SH3KBP1: variants seen among roughly 807,000 people sequenced by gnomAD.
SH3KBP1 encodes the protein SH3 domain containing kinase binding protein 1.
A neutral mutation model predicts 50.1 loss-of-function variants in SH3KBP1; 8 were observed. That is an observed-to-expected ratio of 0.16 (90% confidence interval 0.09 to 0.29). SH3KBP1 has a LOEUF of 0.29. SH3KBP1 is among the 10% of genes least tolerant of loss of function. SH3KBP1 has a pLI of 1.00. For synonymous variants in SH3KBP1, 227 were observed against 218.6 expected (o/e 1.04, Z -0.34); for missense variants, 377 against 535.2 (o/e 0.70, Z 2.92).
Position 19,592,073 on chromosome X carries a change from C to T in SH3KBP1, c.1132G>A (p.Glu378Lys). 8.3e-7 allele frequency: 1 copy of T among 1,200,512 alleles called. No homozygotes were observed. The highest frequency in any genetic ancestry group is 1.1e-6 in the Non-Finnish European group (1 of 886,124). Residue 378 changes from glutamate to lysine, a missense_variant, in exon 11 of 18, where the codon GAA (glutamate) becomes AAA (lysine). Physicochemically the swap from Glu to Lys is moderately conservative, Grantham distance 56 (BLOSUM62 1). This residue lies in a region of SH3KBP1 where 257 missense variants were observed against 374.2 expected (regional missense o/e 0.69). Transcript: ENST00000397821. ...TGAAGAATTGATTTCATACCTTTTT[C>T]TTCTGTTCTGTTTGGAAGCATTTCT... ...RPEMLPNRTE[E>K]KERPEREPKL...
chrX:19,819,263 T>C (rs773829619), intron 2 of SH3KBP1, among the ~76,000 whole-genome samples: 3 of 112,117 alleles, frequency 2.7e-5, no homozygotes, highest in African/African-American at 6.5e-5. Flanking sequence ...ACCTGTTTTA[T>C]TCCTACTATG....
intron 1 of SH3KBP1, among the ~76,000 whole-genome samples, chrX:19,867,712 G>C (rs751632194): frequency 9.0e-6 from 1 of 111,166 alleles, no homozygotes; most frequent in African/African-American, 3.3e-5. Flanking sequence ...ATCCAGGAAA[G>C]GACAAATGAG....
intron 2 of SH3KBP1, among the ~76,000 whole-genome samples, chrX:19,809,240 T>G (rs2067136956): frequency 8.9e-6 from 1 of 111,905 alleles, no homozygotes; most frequent in South Asian, 3.7e-4. Flanking sequence ...TAAATGTCAG[T>G]ATCAGCCAGG....
In SH3KBP1 at chrX:19,537,734, T is replaced by G; in HGVS notation, c.1939A>C (p.Ile647Leu). 1 of 1,211,391 alleles carries G rather than the reference T, an allele frequency of 8.3e-7. No individual in the cohort carries two copies. The highest frequency in any genetic ancestry group is 1.7e-5 in the African/African-American group (1 of 57,757). ...LLSELDEEKKIRLRLQMEVND... is the reference protein window; with the variant it reads ...LLSELDEEKKLRLRLQMEVND... The stretch of plus-strand genomic sequence containing the variant: ...GGACGCACCTGCAACCGAAGCCGGA[T>G]TTTCTTCTCTTCATCCAACTCAGAC... Residue 647 changes from isoleucine (I) to leucine (L), a missense_variant, in exon 17 of 18, where the codon ATC becomes CTC. Ile to Leu is a conservative substitution (Grantham distance 5). Transcript: ENST00000397821.
At chrX:19,715,816 G>A (rs1169118105) in intron 3 of SH3KBP1, among the ~76,000 whole-genome samples, 1 of 112,070 alleles carries the variant, frequency 8.9e-6, no homozygotes, top group Admixed American at 9.5e-5. Flanking sequence ...AACAGTTGCA[G>A]TAAGTAGTTT....
At chrX:19,813,304 C>G (rs2067261819) in intron 2 of SH3KBP1, among the ~76,000 whole-genome samples, 1 of 110,345 alleles carries the variant, frequency 9.1e-6, no homozygotes, top group African/African-American at 3.3e-5. Context: ...AGTCCTAGAG[C>G]CTGGCCATTT....
At chrX:19,776,780 C>T (rs1287090170) in intron 2 of SH3KBP1, among the ~76,000 whole-genome samples, 3 of 109,690 alleles carry the variant, frequency 2.7e-5, no homozygotes, top group African/African-American at 1.0e-4. Flanking sequence ...TCTCAAACTC[C>T]TGGCCTCAAG....
intron 1 of SH3KBP1, among the ~76,000 whole-genome samples, chrX:19,871,207 T>C (rs747957965): frequency 1.3e-4 from 15 of 112,514 alleles, no homozygotes; most frequent in Non-Finnish European, 2.8e-4. Flanking sequence ...GGGCGATTCA[T>C]AAAATGACCA....
At chrX:19,780,217 T>C (rs1416133605) in intron 2 of SH3KBP1, among the ~76,000 whole-genome samples, 6 of 108,062 alleles carry the variant, frequency 5.6e-5, no homozygotes, top group African/African-American at 2.0e-4. Context: ...TTTTCATGTG[T>C]CTTTTGGCTG....
At chrX:19,542,809 T>C (rs914329355) in intron 15 of SH3KBP1, among the ~76,000 whole-genome samples, 1 of 110,782 alleles carries the variant, frequency 9.0e-6, no homozygotes, top group Admixed American at 9.6e-5. Flanking sequence ...GCAAAATGCA[T>C]TGGTGGGAAG....
chrX:19,538,440 C>T (rs1189229032), intron 16 of SH3KBP1, among the ~76,000 whole-genome samples: 1 of 110,266 alleles, frequency 9.1e-6, no homozygotes, highest in African/African-American at 3.3e-5. Context: ...AACTCCTGGG[C>T]TCTAGCAATC....
chrX:19,869,489 A>G (rs1025128799), intron 1 of SH3KBP1, among the ~76,000 whole-genome samples: 6 of 112,339 alleles, frequency 5.3e-5, no homozygotes, highest in Non-Finnish European at 9.4e-5. Flanking sequence ...AGGTGGACAC[A>G]GTGCTGGTGA....
At chrX:19,693,777 A>G (rs1303020247) in intron 5 of SH3KBP1, among the ~76,000 whole-genome samples, 1 of 111,743 alleles carries the variant, frequency 8.9e-6, no homozygotes, top group East Asian at 2.8e-4. Flanking sequence ...TTGGAATGAG[A>G]GAAGTCAATT....
At chrX:19,748,973 C>T (rs1035221146) in intron 2 of SH3KBP1, among the ~76,000 whole-genome samples, 3 of 112,092 alleles carry the variant, frequency 2.7e-5, no homozygotes, top group East Asian at 5.6e-4. Context: ...AATATAAATG[C>T]CAAGCAAAGG....
chrX:19,623,349 TC>T (rs1196627141), intron 8 of SH3KBP1, among the ~76,000 whole-genome samples: 1 of 112,224 alleles, frequency 8.9e-6, no homozygotes, highest in Non-Finnish European at 1.9e-5. Flanking sequence ...TCATTTTTTT[TC>T]CAAGAGTAAG....
At chrX:19,771,015 T>C (rs1244420440) in intron 2 of SH3KBP1, among the ~76,000 whole-genome samples, 2 of 112,048 alleles carry the variant, frequency 1.8e-5, no homozygotes, top group Non-Finnish European at 3.8e-5. Flanking sequence ...TTTCTTTTGC[T>C]AACATACTGA....
intron 6 of SH3KBP1, among the ~76,000 whole-genome samples, chrX:19,682,867 G>A (rs2148588921): frequency 2.2e-5 from 2 of 90,992 alleles, no homozygotes; most frequent in South Asian, 1.2e-3. Flanking sequence ...TGCAGAAGAT[G>A]ATGCAACCTT....
At chrX:19,740,372 T>C (rs2064732253) in intron 3 of SH3KBP1, among the ~76,000 whole-genome samples, 1 of 112,236 alleles carries the variant, frequency 8.9e-6, no homozygotes, top group African/African-American at 3.2e-5. Context: ...TATATATTAC[T>C]GAATGACTAT....
intron 2 of SH3KBP1, among the ~76,000 whole-genome samples, chrX:19,830,051 T>A (rs1047068406): frequency 7.2e-5 from 8 of 111,116 alleles, no homozygotes; most frequent in African/African-American, 2.0e-4. Context: ...TTTTGGTGGG[T>A]TTTAGCCGGC....
Sources: allele counts gnomAD v4.1 joint callset (sites outside exome capture counted in the v4.1 genomes callset), GRCh38; gene constraint gnomAD v4.1.1; regional missense constraint gnomAD v4.1.1; transcripts MANE v1.5; gene names NCBI Gene and HGNC (gene_info 2026-07-23, HGNC 2026-07-21).